Variants in WDFY4 observed in about 807,000 individuals in gnomAD.
WDFY4 encodes the protein WD repeat- and FYVE domain-containing protein 4.
Under a neutral mutation model 351.9 loss-of-function variants are expected in WDFY4, and 169 were observed. The observed-to-expected ratio is 0.48, with a 90% CI of 0.42 to 0.55. The LOEUF is 0.55. Ranked by LOEUF, WDFY4 falls within the 20% of genes least tolerant of loss-of-function variation. The pLI, the probability that WDFY4 is intolerant of heterozygous loss-of-function variation, is 0.00. For synonymous variants in WDFY4, 1,622 were observed against 1,574.6 expected, an observed-to-expected ratio of 1.03 and a Z score of -0.71; for missense variants, 3,803 against 3,935.6, an observed-to-expected ratio of 0.97 and a Z score of 0.90.
chr10:48,745,670 C>T lies in WDFY4; in HGVS notation c.2459+2122C>T, dbSNP rs892287790. The T allele has an allele frequency of 8.7e-6, 5 of 577,626 alleles. No homozygotes were observed. The East Asian group carries it at 2.1e-4, about 25-fold the overall frequency. The allele number at this position is 577,626 out of a possible 1,614,324, so 35.8% of individuals were successfully genotyped here. On this transcript the variant is annotated intron_variant, in intron 12 of 61. Coordinates refer to ENST00000325239, the MANE Select transcript of WDFY4 (RefSeq NM_001394531.1). ...GTCTCGGCCTTCTCCTTCCTCTTCT[C>T]CTCCAGGGTGGCTGTCACTGCCTGG...
chr10:48,841,758 C>A (rs1014760490), intron 39 of WDFY4, among the ~76,000 whole-genome samples: 1 of 152,254 alleles, frequency 6.6e-6, no homozygotes, highest in Non-Finnish European at 1.5e-5. Flanking sequence ...AATGGGCACA[C>A]TGTAGTGCTA....
At chr10:48,863,035 T>A (rs1269660889) in intron 39 of WDFY4, among the ~76,000 whole-genome samples, 1 of 152,244 alleles carries the variant, frequency 6.6e-6, no homozygotes, top group Non-Finnish European at 1.5e-5. Flanking sequence ...AATACATCAT[T>A]CTTTTTTATG....
intron 12 of WDFY4, among the ~76,000 whole-genome samples, chr10:48,759,961 G>A (rs985816079): frequency 6.6e-6 from 1 of 152,070 alleles, no homozygotes; most frequent in Non-Finnish European, 1.5e-5. Context: ...CCATTTTGAA[G>A]GGACCCAGAA....
intron 6 of WDFY4, among the ~76,000 whole-genome samples, chr10:48,726,519 C>T (rs930822721): frequency 2.6e-5 from 4 of 151,920 alleles, no homozygotes; most frequent in South Asian, 4.1e-4. Context: ...TGCCTGATTC[C>T]GGCACCCTCA....
chr10:48,941,625 G>A (rs574776042), intron 47 of WDFY4, among the ~76,000 whole-genome samples, 181 bp from the exon 48 acceptor site: 16 of 152,288 alleles, frequency 1.1e-4, no homozygotes, highest in Middle Eastern at 3.4e-3. Flanking sequence ...GCCAGGGTGG[G>A]GCAAGAAGAG....
At chr10:48,796,723 G>A (rs764865158) in intron 24 of WDFY4, among the ~76,000 whole-genome samples, 2 of 152,186 alleles carry the variant, frequency 1.3e-5, no homozygotes, top group African/African-American at 2.4e-5. Context: ...AGGCTGTCAT[G>A]AGGGTTAAGC....
chr10:48,762,298 G>A lies in WDFY4; in HGVS notation c.2553+1858G>A, dbSNP rs1053668456. On this transcript the variant is annotated intron_variant, in intron 13 of 61. Transcript: ENST00000325239. ...GAAATCTGTAGTGTTTGGCGCAGGA[G>A]TTAAGAAAAGGCCTGACCCAGTTTC... is the stretch of plus-strand genomic sequence containing the variant. 2.0e-5 allele frequency among the ~76,000 whole-genome samples: 3 copies of A among 152,354 alleles called. 1 individual carries two copies. The highest frequency in any genetic ancestry group is 4.1e-4 in the South Asian group (2 of 4,822).
At chr10:48,712,166 A>G (rs1245526559) in intron 2 of WDFY4, among the ~76,000 whole-genome samples, 1 of 152,224 alleles carries the variant, frequency 6.6e-6, no homozygotes, top group Non-Finnish European at 1.5e-5. Flanking sequence ...TGGCTGCATC[A>G]CTTATTTATT....
chr10:48,918,796 T>G (rs905638960), intron 47 of WDFY4, among the ~76,000 whole-genome samples: 1 of 152,182 alleles, frequency 6.6e-6, no homozygotes, highest in African/African-American at 2.4e-5. Context: ...CCTTGTACAT[T>G]GTAGAATGTT....
intron 43 of WDFY4, 61 bp downstream of exon 43, chr10:48,877,260 C>A: frequency 6.8e-7 from 1 of 1,479,118 alleles, no homozygotes; most frequent in South Asian, 1.3e-5. Context: ...GATTGTCAGA[C>A]AGGAGAAAAC....
chr10:48,813,166 T>G (rs1305109609), intron 30 of WDFY4, among the ~76,000 whole-genome samples: 1 of 152,106 alleles, frequency 6.6e-6, no homozygotes, highest in Non-Finnish European at 1.5e-5. Flanking sequence ...CTCAATCGAG[T>G]TGAGTTAAAC....
chr10:48,807,229 G>T (rs556720395), intron 27 of WDFY4, among the ~76,000 whole-genome samples: 2 of 152,152 alleles, frequency 1.3e-5, no homozygotes, highest in Non-Finnish European at 2.9e-5. Flanking sequence ...ATGGGTAATG[G>T]GCCAAGAGTG....
At chr10:48,948,250 T>C (rs766161828) in intron 51 of WDFY4, among the ~76,000 whole-genome samples, 9 of 152,210 alleles carry the variant, frequency 5.9e-5, no homozygotes, top group Non-Finnish European at 1.0e-4. Flanking sequence ...TCAAAAATAA[T>C]AAATGTGCTT....
intron 39 of WDFY4, among the ~76,000 whole-genome samples, chr10:48,843,762 C>A (rs2133132854): frequency 6.6e-6 from 1 of 152,240 alleles, no homozygotes; most frequent in Admixed American, 6.5e-5. Context: ...GTAAGATGTA[C>A]CTGCATTCTG....
intron 10 of WDFY4, among the ~76,000 whole-genome samples, chr10:48,734,600 T>G (rs187155592): frequency 6.6e-6 from 1 of 151,916 alleles, no homozygotes; most frequent in African/African-American, 2.4e-5. Flanking sequence ...GGCATCTTTA[T>G]CTGAGGCCTT....
intron 43 of WDFY4, among the ~76,000 whole-genome samples, chr10:48,886,026 A>G (rs1454234139): frequency 2.6e-5 from 4 of 152,198 alleles, no homozygotes; most frequent in African/African-American, 7.2e-5. Context: ...GCAGAGATGT[A>G]GGAAGAGGGC....
intron 39 of WDFY4, among the ~76,000 whole-genome samples, chr10:48,862,794 G>A (rs1052346803): frequency 6.6e-6 from 1 of 152,114 alleles, no homozygotes; most frequent in Non-Finnish European, 1.5e-5. Flanking sequence ...TCCCAGATAT[G>A]TGCCACCATC....
rs373276356 is a variant in WDFY4 at position 48,875,027 on chromosome 10, G to A, written c.6949-62G>A. ...TGTTTGTGAATCTGTGGAATTGGAG[G>A]TGAGTGAAGCATAGATGTAGCATCC... On this transcript the variant is annotated intron_variant, in intron 41 of 61. Coordinates refer to ENST00000325239, the MANE Select transcript of WDFY4 (RefSeq NM_001394531.1). The A allele has an allele frequency of 2.9e-6, 3 of 1,048,126 alleles. No homozygotes were observed. In the African/African-American group the frequency reaches 5.0e-5, roughly 18 times the overall value. The allele number at this position is 1,048,126 out of a possible 1,614,324, so 64.9% of individuals were successfully genotyped here.
chr10:48,963,942 T>G lies in WDFY4; in HGVS notation c.8324T>G (p.Ile2775Ser). 2 of 1,551,366 alleles carry G rather than the reference T, an allele frequency of 1.3e-6. No homozygotes were observed. Among genetic ancestry groups the G allele is most frequent in the South Asian group, 2.4e-5 (2 of 84,036 alleles). ...CCAGCCGCAGTGGATGCTGTTAATA[T>G]CTTCCACCCCTACTTCTACGGTGAC... ...QGPAAVDAVNIFHPYFYGDRM... is the reference protein window; with the variant it reads ...QGPAAVDAVNSFHPYFYGDRM... Residue 2775 changes from isoleucine to serine, a missense_variant, in exon 54 of 62, where the codon ATC becomes AGC. Ile to Ser is a moderately radical substitution (Grantham distance 142). Coordinates refer to ENST00000325239, the MANE Select transcript of WDFY4 (RefSeq NM_001394531.1).
Sources: gnomAD v4.1 joint callset for allele counts (sites outside exome capture counted in the v4.1 genomes callset) on GRCh38, gnomAD v4.1.1 for gene constraint, MANE v1.5 for transcripts, NCBI Gene and HGNC (gene_info 2026-07-23, HGNC 2026-07-21) for gene names.